Variants in APC observed in about 807,000 individuals in gnomAD.
APC encodes APC regulator of Wnt signaling pathway, also known as adenomatous polyposis coli protein.
In APC, 72 loss-of-function variants were observed where a neutral mutation model predicts 247.0. The ratio of observed to expected loss-of-function variants is 0.29; its 90% CI spans 0.24 to 0.35. The LOEUF (loss-of-function observed/expected upper bound fraction) is 0.35. Among genes scored for constraint, APC ranks in the 10% least tolerant of loss-of-function variants. The pLI, the probability that APC is intolerant of heterozygous loss-of-function variation, is 1.00. For synonymous variants in APC, 1,254 were observed against 1,162.5 expected (o/e 1.08, Z -1.60); for missense variants, 3,400 against 3,360.7 (o/e 1.01, Z -0.29).
chr5:112,839,206 A>G lies in APC; in HGVS notation c.3612A>G (p.Gln1204=), dbSNP rs864622196. 1 of 1,614,182 alleles carries G rather than the reference A, an allele frequency of 6.2e-7. No homozygotes were observed. Among genetic ancestry groups the G allele is most frequent in the Non-Finnish European group, 8.5e-7 (1 of 1,180,040 alleles). The stretch of plus-strand genomic sequence containing the variant: ...CATTCTCAAAGAGTTCATCTGGACA[A>G]AGCAGTAAAACCGAACATATGTCTT... ...SFSFSKSSSG[Q]SSKTEHMSSS... is the part of the protein sequence containing the mutation. Residue 1204 remains glutamine (Q), a synonymous_variant, in exon 16 of 16, where the codon CAA becomes CAG. Coordinates refer to ENST00000257430, the MANE Select transcript of APC (RefSeq NM_000038.6). The surrounding 1 kb of genome is among the most constrained non-coding windows in gnomAD (Gnocchi z 5.0).
At chr5:112,721,340 G>A (rs1006502332) in intron 1 of APC, among the ~76,000 whole-genome samples, 32 of 152,268 alleles carry the variant, frequency 2.1e-4, no homozygotes, top group African/African-American at 7.7e-4. Flanking sequence ...CTTGAACCCG[G>A]AAGACGGAGA....
intron 7 of APC, among the ~76,000 whole-genome samples, chr5:112,796,793 T>G (rs1237383923): frequency 2.6e-5 from 4 of 152,108 alleles, no homozygotes; most frequent in Admixed American, 2.6e-4. Flanking sequence ...CAGTGTTTTG[T>G]TTTTAATTGA....
intron 1 of APC, among the ~76,000 whole-genome samples, chr5:112,730,612 T>C (rs1384170217): frequency 6.6e-6 from 1 of 152,210 alleles, no homozygotes. Flanking sequence ...TGATGAAGTT[T>C]AGTGAACCTA....
chr5:112,746,170 A>T (rs1379846431), intron 1 of APC, among the ~76,000 whole-genome samples: 1 of 152,156 alleles, frequency 6.6e-6, no homozygotes, highest in African/African-American at 2.4e-5. Context: ...CTATTAATGA[A>T]TAAAATTAAT....
intron 7 of APC, among the ~76,000 whole-genome samples, chr5:112,796,579 G>A (rs1199000943): frequency 6.6e-6 from 1 of 151,784 alleles, no homozygotes; most frequent in East Asian, 1.9e-4. Flanking sequence ...GTTCATTTTT[G>A]CAATGGACTC....
chr5:112,743,432 C>A (rs1361135466), intron 1 of APC, among the ~76,000 whole-genome samples: 1 of 151,898 alleles, frequency 6.6e-6, no homozygotes, highest in African/African-American at 2.4e-5. Context: ...TTTTTTTAAG[C>A]TGAAGGATTT....
chr5:112,760,626 C>G (rs1755543667), intron 2 of APC, among the ~76,000 whole-genome samples: 1 of 152,166 alleles, frequency 6.6e-6, no homozygotes, highest in Admixed American at 6.5e-5. Flanking sequence ...CCTAGTATAT[C>G]AAACATGACT....
Position 112,845,830 on chromosome 5 carries a change from T to C in APC, c.*1704T>C, listed in dbSNP as rs1191664730. The C allele has an allele frequency of 4.3e-6, 1 of 232,096 alleles. No homozygotes were observed. Among genetic ancestry groups the C allele is most frequent in the Non-Finnish European group, 8.5e-6 (1 of 117,450 alleles). 14.4% of individuals were successfully genotyped at this position (232,096 alleles called of 1,614,324 possible). A position where few individuals can be genotyped will look rare whatever the true frequency, so the allele number is the denominator to read the frequency against. On this transcript the variant is annotated 3_prime_UTR_variant, in exon 16 of 16. Coordinates refer to ENST00000257430, the MANE Select transcript of APC (RefSeq NM_000038.6). ...CATGCATACATATTTGTTGAATAAA[T>C]GAAAATTTATTTTTAGTGATAAGAT... is the stretch of plus-strand genomic sequence containing the variant.
intron 2 of APC, among the ~76,000 whole-genome samples, chr5:112,758,465 T>C (rs1755242399): frequency 1.3e-5 from 2 of 152,220 alleles, no homozygotes. Context: ...TAGCTGGGAC[T>C]ACGGGTGTGC....
At chr5:112,773,791 A>G (rs1757305926) in intron 4 of APC, among the ~76,000 whole-genome samples, 1 of 152,218 alleles carries the variant, frequency 6.6e-6, no homozygotes, top group Non-Finnish European at 1.5e-5. Context: ...TTTTTAATAT[A>G]GAAAAGGTCC....
chr5:112,834,185 C>T (rs1281666120), intron 14 of APC, among the ~76,000 whole-genome samples: 1 of 151,286 alleles, frequency 6.6e-6, no homozygotes, highest in East Asian at 1.9e-4. Flanking sequence ...CCCAGTCACG[C>T]CAGTCAGCCT....
chr5:112,837,609 A>G lies in APC; in HGVS notation c.2015A>G (p.His672Arg), dbSNP rs1003813738. 1 of 1,611,450 alleles carries G rather than the reference A, an allele frequency of 6.2e-7. No individual in the cohort carries two copies. The highest frequency in any genetic ancestry group is 8.5e-7 in the Non-Finnish European group (1 of 1,177,658). The change falls in exon 16 of 16, where the codon CAT becomes CGT. Residue 672 changes from histidine (H) to arginine (R), a missense_variant. His to Arg is a conservative substitution (Grantham distance 29, BLOSUM62 0). This residue lies in a region of APC where 184 missense variants were observed against 248.0 expected (regional missense o/e 0.74). Coordinates refer to ENST00000257430, the MANE Select transcript of APC (RefSeq NM_000038.6). ...LQTLLQHLKS[H>R]SLTIVSNACG... ...ACTTTATTACAACACTTAAAATCTC[A>G]TAGTTTGACAATAGTCAGTAATGCA...
chr5:112,767,360 C>A lies in APC; in HGVS notation c.392C>A (p.Thr131Asn), dbSNP rs1387998721. The part of the protein sequence containing the change: ...RGFVNGSRES[T>N]GYLEELEKER... ...TTTGTAAATGGAAGCAGAGAAAGTA[C>A]TGGATATTTAGAAGAACTTGAGAAA... is the stretch of plus-strand genomic sequence containing the variant. Residue 131 changes from threonine to asparagine, a missense_variant, in exon 4 of 16, where the codon ACT becomes AAT. Coordinates refer to ENST00000257430, the MANE Select transcript of APC (RefSeq NM_000038.6). 1 of 1,614,040 alleles carries A rather than the reference C, an allele frequency of 6.2e-7. No individual in the cohort carries two copies. Among genetic ancestry groups the A allele is most frequent in the East Asian group, 2.2e-5 (1 of 44,874 alleles).
In APC at chr5:112,840,384, C is replaced by G. The variant is rs1371236822; in HGVS notation, c.4790C>G (p.Thr1597Ser). ...SSRKAKKPAQ[T>S]ASKLPPPVAR... ...CGTAAAGCAAAAAAGCCAGCCCAGA[C>G]TGCTTCAAAATTACCTCCACCTGTG... Residue 1597 changes from threonine (T) to serine (S), a missense_variant, in exon 16 of 16, where the codon ACT becomes AGT. Thr to Ser is a moderately conservative substitution (Grantham distance 58). This residue lies in a region of APC where 1,788 missense variants were observed against 1,649.5 expected (regional missense o/e 1.08). Coordinates refer to ENST00000257430, the MANE Select transcript of APC (RefSeq NM_000038.6). This position sits in a 1 kb window ranked among gnomAD's most constrained non-coding sequence, Gnocchi z 4.1. 1.9e-6 allele frequency: 3 copies of G among 1,614,214 alleles called. No homozygotes were observed. The highest frequency in any genetic ancestry group is 1.7e-5 in the Admixed American group (1 of 60,024).
chr5:112,772,574 T>C (rs1291754359), intron 4 of APC, among the ~76,000 whole-genome samples: 1 of 151,382 alleles, frequency 6.6e-6, no homozygotes, highest in Admixed American at 6.6e-5. Context: ...TGGAGTGCAG[T>C]GGCACGATCT....
At chr5:112,785,558 G>A (rs1468495761) in intron 6 of APC, among the ~76,000 whole-genome samples, 1 of 152,082 alleles carries the variant, frequency 6.6e-6, no homozygotes, top group East Asian at 1.9e-4. Flanking sequence ...ATGAAAGAAC[G>A]CATAATTGAA....
At chr5:112,826,697 T>C (rs1158303882) in intron 11 of APC, among the ~76,000 whole-genome samples, 1 of 151,722 alleles carries the variant, frequency 6.6e-6, no homozygotes, top group Non-Finnish European at 1.5e-5. Context: ...TTAAAGTAGT[T>C]AGGCCACAGT....
At position 112,762,313 on chromosome 5, in the gene APC, A is replaced by G. The variant is rs116628961; in HGVS notation, c.136-4013A>G. Among the ~76,000 whole-genome samples, 702 of 152,306 alleles carry G rather than the reference A, an allele frequency of 4.6e-3. 4 individuals carry two copies. The highest frequency in any genetic ancestry group is 0.024 in the Middle Eastern group (7 of 294). ...GCAGTTTCCTTTAAAATTAAACCCT[A>G]TGACTCAGTGTTTGCACTCCTAGAA... On this transcript the variant is annotated intron_variant, in intron 2 of 15. Coordinates refer to ENST00000257430, the MANE Select transcript of APC (RefSeq NM_000038.6).
intron 1 of APC, among the ~76,000 whole-genome samples, chr5:112,750,206 G>T (rs554910282): frequency 1.3e-5 from 2 of 151,158 alleles, no homozygotes; most frequent in African/African-American, 2.4e-5. Flanking sequence ...CAAGTGATCC[G>T]CCCGCTTCAG....
Sources: gnomAD v4.1 joint callset for allele counts (sites outside exome capture counted in the v4.1 genomes callset) on GRCh38, gnomAD v4.1.1 for gene constraint, gnomAD v4.1.1 regional missense constraint, Gnocchi (gnomAD v3.1) non-coding constraint, MANE v1.5 for transcripts, NCBI Gene and HGNC (gene_info 2026-07-23, HGNC 2026-07-21) for gene names.